Variants in LSAMP observed in about 807,000 individuals in gnomAD.
The protein encoded by LSAMP is limbic system-associated membrane protein.
A neutral mutation model predicts 38.6 loss-of-function variants in LSAMP; 7 were observed. The observed-to-expected ratio is 0.18, with a 90% CI of 0.10 to 0.34. LSAMP has a LOEUF of 0.34. Ranked by LOEUF, LSAMP falls within the 10% of genes least tolerant of loss-of-function variation. LSAMP has a pLI of 1.00. For synonymous variants in LSAMP, 154 were observed against 166.8 expected (o/e 0.92, Z 0.59); for missense variants, 313 against 420.0 (o/e 0.75, Z 2.23).
At chr3:116,149,386 C>T (rs1238959308) in intron 1 of LSAMP, among the ~76,000 whole-genome samples, 1 of 151,986 alleles carries the variant, frequency 6.6e-6, no homozygotes, top group Non-Finnish European at 1.5e-5. Context: ...TTGTTCCTGA[C>T]CATTAAACCT....
chr3:116,370,153 A>T (rs1015443736), intron 1 of LSAMP: 1 of 152,246 alleles, frequency 6.6e-6, no homozygotes, highest in African/African-American at 2.4e-5. Flanking sequence ...AGCTTTTAAA[A>T]ATTCTATGCA....
At chr3:116,142,175 G>A (rs1472338298) in intron 1 of LSAMP, among the ~76,000 whole-genome samples, 1 of 151,950 alleles carries the variant, frequency 6.6e-6, no homozygotes, top group Non-Finnish European at 1.5e-5. Flanking sequence ...CCCCACACCC[G>A]CCTGCTGTAG....
intron 1 of LSAMP, among the ~76,000 whole-genome samples, chr3:116,106,577 A>G (rs930206120): frequency 6.6e-6 from 1 of 152,174 alleles, no homozygotes; most frequent in African/African-American, 2.4e-5. Context: ...TTAATAGACC[A>G]TTAGTCTGTC....
intron 1 of LSAMP, among the ~76,000 whole-genome samples, chr3:116,341,446 T>C (rs2047993949): frequency 6.6e-6 from 1 of 151,928 alleles, no homozygotes; most frequent in Admixed American, 6.6e-5. Context: ...TAAGTGAAGA[T>C]GTATGGCAGG....
intron 3 of LSAMP, among the ~76,000 whole-genome samples, chr3:115,952,603 A>G (rs568740700): frequency 2.6e-4 from 39 of 152,272 alleles, no homozygotes; most frequent in African/African-American, 2.9e-4. Context: ...AAAAGACCAC[A>G]TATTGGGTAC....
At chr3:115,872,383 C>T (rs111622365) in intron 3 of LSAMP, among the ~76,000 whole-genome samples, 2,374 of 152,240 alleles carry the variant, frequency 0.016, 31 homozygotes, top group Middle Eastern at 0.027. Flanking sequence ...ATGTGCCACC[C>T]TGCGGCATCA....
rs535577423 is a variant in LSAMP at position 116,283,962 on chromosome 3, C to T, written c.155+160915G>A. Among the ~76,000 whole-genome samples, 6 of 152,072 alleles carry T rather than the reference C, an allele frequency of 3.9e-5. No homozygotes were observed. The East Asian group carries it at 5.8e-4, about 15-fold the overall frequency. On this transcript the variant is annotated intron_variant, in intron 1 of 6. Coordinates refer to ENST00000490035, the MANE Select transcript of LSAMP (RefSeq NM_002338.5). ...CGGAGGTTGCAGTGAGCCGAGGTTG[C>T]GCCACTGCACTCAAACCTGGGTGAT...
chr3:116,111,470 G>A (rs1156676837), intron 1 of LSAMP, among the ~76,000 whole-genome samples: 3 of 152,146 alleles, frequency 2.0e-5, no homozygotes, highest in South Asian at 2.1e-4. Flanking sequence ...TGGCATTAGA[G>A]TGTTCAAAGG....
At chr3:116,393,255 A>G (rs569080736) in intron 1 of LSAMP, among the ~76,000 whole-genome samples, 11 of 152,140 alleles carry the variant, frequency 7.2e-5, no homozygotes, top group Non-Finnish European at 4.4e-5. Context: ...TCCCCAAGCC[A>G]GGGCTGTGAC....
chr3:115,849,060 A>G lies in LSAMP; in HGVS notation c.649+3423T>C, dbSNP rs184790565. 7.7e-4 allele frequency among the ~76,000 whole-genome samples: 118 copies of G among 152,340 alleles called. 1 individual carries two copies. Among genetic ancestry groups the G allele is most frequent in the Non-Finnish European group, 4.3e-4 (29 of 68,020 alleles). On this transcript the variant is annotated intron_variant, in intron 4 of 6. Transcript: ENST00000490035. ...AACTGCACCTAGAACCTGCAATGAA[A>G]GAACAGAGTGTCCCTAGGACTGGTA...
intron 1 of LSAMP, among the ~76,000 whole-genome samples, chr3:116,317,514 T>C (rs1252363148): frequency 2.4e-4 from 36 of 151,816 alleles, no homozygotes; most frequent in African/African-American, 8.0e-4. Context: ...CGCCACCACG[T>C]CTGGCTAATT....
At chr3:116,189,409 C>A (rs187304714) in intron 1 of LSAMP, among the ~76,000 whole-genome samples, 3 of 152,192 alleles carry the variant, frequency 2.0e-5, no homozygotes, top group Admixed American at 1.3e-4. Context: ...GCAAGTGCTA[C>A]GAATCAAGGC....
chr3:115,948,048 G>A (rs57129869), intron 3 of LSAMP, among the ~76,000 whole-genome samples: 2,920 of 152,286 alleles, frequency 0.019, 93 homozygotes, highest in African/African-American at 0.066. Flanking sequence ...ACCCTAGCAT[G>A]AGAGTGTGCA....
chr3:116,424,312 C>T (rs2049166626), intron 1 of LSAMP, among the ~76,000 whole-genome samples: 1 of 152,198 alleles, frequency 6.6e-6, no homozygotes, highest in Non-Finnish European at 1.5e-5. Context: ...AACATTAAAT[C>T]ACACTCAAGT....
intron 1 of LSAMP, among the ~76,000 whole-genome samples, chr3:116,278,544 A>G (rs1375006491): frequency 1.3e-5 from 2 of 152,196 alleles, no homozygotes; most frequent in Admixed American, 6.5e-5. Context: ...GATGGGCACA[A>G]TTATGACTGT....
intron 1 of LSAMP, 146 bp downstream of exon 1, chr3:116,444,731 C>A (rs563124704): frequency 7.6e-5 from 60 of 792,180 alleles, no homozygotes; most frequent in East Asian, 3.3e-4. Context: ...ACACACACAC[C>A]ACACACACAC....
At chr3:116,108,166 G>A (rs796182416) in intron 1 of LSAMP, among the ~76,000 whole-genome samples, 1 of 152,128 alleles carries the variant, frequency 6.6e-6, no homozygotes, top group Non-Finnish European at 1.5e-5. Context: ...TATGGATTAA[G>A]GTGGGGGAAT....
intron 1 of LSAMP, among the ~76,000 whole-genome samples, chr3:116,189,975 A>T (rs1011585445): frequency 6.6e-6 from 1 of 152,144 alleles, no homozygotes; most frequent in Non-Finnish European, 1.5e-5. Flanking sequence ...ACATCAAAAC[A>T]TCATGTTGTA....
At chr3:116,183,372 C>T (rs900428152) in intron 1 of LSAMP, among the ~76,000 whole-genome samples, 5 of 151,820 alleles carry the variant, frequency 3.3e-5, no homozygotes, top group Non-Finnish European at 5.9e-5. Flanking sequence ...ACAAGTAAGA[C>T]AATGACCTTG....
Sources: gnomAD v4.1 joint callset for allele counts (sites outside exome capture counted in the v4.1 genomes callset) on GRCh38, gnomAD v4.1.1 for gene constraint, MANE v1.5 for transcripts, NCBI Gene and HGNC (gene_info 2026-07-23, HGNC 2026-07-21) for gene names.